The following SIPA1L1 variants were observed in gnomAD, a reference collection of about 807,000 sequenced individuals.
SIPA1L1 encodes the protein signal-induced proliferation-associated 1-like protein 1.
In SIPA1L1, 26 loss-of-function variants were observed where a neutral mutation model predicts 162.7. That is an observed-to-expected ratio of 0.16 (90% CI 0.12 to 0.22). The LOEUF is 0.22. Ranked by LOEUF, SIPA1L1 falls within the 10% of genes least tolerant of loss-of-function variation. SIPA1L1 has a pLI of 1.00. For missense variants in SIPA1L1, 1,874 were observed against 2,241.0 expected (o/e 0.84, Z 3.31); for synonymous variants, 829 against 837.4 (o/e 0.99, Z 0.17).
intron 13 of SIPA1L1, among the ~76,000 whole-genome samples, chr14:71,691,812 C>G (rs943484287): frequency 1.3e-5 from 2 of 152,178 alleles, no homozygotes; most frequent in African/African-American, 4.8e-5. Context: ...TTAATTTCCC[C>G]AAAACACTCT....
At chr14:71,374,824 G>T (rs1003347996) in intron 2 of SIPA1L1, among the ~76,000 whole-genome samples, 1 of 151,774 alleles carries the variant, frequency 6.6e-6, no homozygotes, top group Non-Finnish European at 1.5e-5. Context: ...ACAAGGTAAG[G>T]ATTTGGCTCC....
At chr14:71,452,355 G>A (rs371026337) in intron 2 of SIPA1L1, among the ~76,000 whole-genome samples, 2 of 152,064 alleles carry the variant, frequency 1.3e-5, no homozygotes, top group South Asian at 2.1e-4. Flanking sequence ...ACACATTTTC[G>A]TATATAGGAA....
At chr14:71,466,685 T>A (rs2047023160) in intron 2 of SIPA1L1, among the ~76,000 whole-genome samples, 1 of 152,180 alleles carries the variant, frequency 6.6e-6, no homozygotes, top group African/African-American at 2.4e-5. Context: ...TGGAGATTTG[T>A]ATGCATTATG....
chr14:71,546,148 T>C (rs1443039788), intron 4 of SIPA1L1, among the ~76,000 whole-genome samples: 1 of 152,166 alleles, frequency 6.6e-6, no homozygotes. Flanking sequence ...CTTCTGCTTT[T>C]AAAGCCCTAT....
At chr14:71,491,805 CA>C (rs1567099236) in intron 2 of SIPA1L1, among the ~76,000 whole-genome samples, 20 of 151,278 alleles carry the variant, frequency 1.3e-4, no homozygotes, top group African/African-American at 3.7e-4. Flanking sequence ...CACACACACA[CA>C]CACACACCCC....
chr14:71,733,537 C>G, intron 20 of SIPA1L1, 129 bp from the exon 21 acceptor site: 2 of 923,330 alleles, frequency 2.2e-6, no homozygotes, highest in Non-Finnish European at 3.3e-6. Flanking sequence ...CCACTAACAG[C>G]CTGCTAACCT....
intron 2 of SIPA1L1, among the ~76,000 whole-genome samples, chr14:71,361,878 A>C (rs2037847099): frequency 6.6e-6 from 1 of 152,212 alleles, no homozygotes; most frequent in African/African-American, 2.4e-5. Context: ...TTACCATGCT[A>C]GTATCATGTA....
chr14:71,351,484 A>G (rs2036701921), intron 2 of SIPA1L1, among the ~76,000 whole-genome samples: 1 of 152,248 alleles, frequency 6.6e-6, no homozygotes, highest in Admixed American at 6.5e-5. Flanking sequence ...TTGCTTCTAA[A>G]CTCAGTATGA....
chr14:71,460,101 T>C lies in SIPA1L1; in HGVS notation c.-464-52642T>C, dbSNP rs201686092. Among the ~76,000 whole-genome samples the C allele has an allele frequency of 2.0e-5, 3 of 152,366 alleles. No individual in the cohort carries two copies. In the East Asian group the frequency reaches 5.8e-4, roughly 29 times the overall value. On this transcript the variant is annotated intron_variant, in intron 2 of 23. Transcript: ENST00000381232. ...AGGAAAAGGAAATAAAGATATTTTC[T>C]TAGTAGAAGTGTATACATGCACAAA...
At chr14:71,536,518 G>T (rs1023917928) in intron 4 of SIPA1L1, among the ~76,000 whole-genome samples, 1 of 152,328 alleles carries the variant, frequency 6.6e-6, no homozygotes, top group African/African-American at 2.4e-5. Flanking sequence ...TCTGCATTTT[G>T]TGGTATCATT....
rs2034962615 is a variant in SIPA1L1, at chr14:71,589,276, G to A, written c.1404G>A (p.Glu468=). ...TGGCAGTACTTGAAGTGCCCAAGGA[G>A]AACTTGGTGTTGCACCTAGATAGAG... The part of the protein sequence containing the change: ...AGVAVLEVPK[E]NLVLHLDRVK... Residue 468 remains glutamate, a synonymous_variant, in exon 5 of 24, where the codon GAG becomes GAA. Transcript: ENST00000381232. 1.2e-6 allele frequency: 2 copies of A among 1,613,994 alleles called. No homozygotes were observed. The highest frequency in any genetic ancestry group is 1.7e-6 in the Non-Finnish European group (2 of 1,179,900).
intron 17 of SIPA1L1, among the ~76,000 whole-genome samples, chr14:71,714,932 C>A (rs1471197048): frequency 1.3e-5 from 2 of 152,168 alleles, no homozygotes; most frequent in African/African-American, 4.8e-5. Context: ...TCTCCCTTTT[C>A]AATATTTAAT....
chr14:71,389,761 C>T (rs1157599428), intron 2 of SIPA1L1, among the ~76,000 whole-genome samples: 1 of 152,164 alleles, frequency 6.6e-6, no homozygotes, highest in East Asian at 1.9e-4. Context: ...TTGTGTTCCT[C>T]ACATTTAGTA....
chr14:71,340,783 C>CA (rs1464489160), intron 2 of SIPA1L1, among the ~76,000 whole-genome samples: 2 of 151,976 alleles, frequency 1.3e-5, no homozygotes, highest in African/African-American at 4.8e-5. Flanking sequence ...TAAAAAAATA[C>CA]AAAAAATTAG....
intron 4 of SIPA1L1, among the ~76,000 whole-genome samples, chr14:71,571,428 A>G (rs2031985764): frequency 6.6e-6 from 1 of 152,180 alleles, no homozygotes; most frequent in Middle Eastern, 3.2e-3. Flanking sequence ...GGACCATAAA[A>G]AGAACAACAC....
At chr14:71,349,510 T>C (rs2036487319) in intron 2 of SIPA1L1, among the ~76,000 whole-genome samples, 2 of 152,196 alleles carry the variant, frequency 1.3e-5, no homozygotes, top group Admixed American at 1.3e-4. Context: ...TACGTCAGTG[T>C]TTTCATTTGT....
intron 11 of SIPA1L1, 21 bp downstream of exon 11, chr14:71,671,713 C>T (rs779275113): frequency 1.0e-5 from 16 of 1,528,518 alleles, no homozygotes; most frequent in South Asian, 7.6e-5. Context: ...CCTTCCTCTT[C>T]CTTACATGCA....
At chr14:71,453,454 A>G (rs1169665887) in intron 2 of SIPA1L1, among the ~76,000 whole-genome samples, 1 of 152,136 alleles carries the variant, frequency 6.6e-6, no homozygotes, top group Non-Finnish European at 1.5e-5. Flanking sequence ...TAGTAGAGAC[A>G]GGTTCTCACT....
intron 13 of SIPA1L1, among the ~76,000 whole-genome samples, chr14:71,686,528 C>A (rs1032646503): frequency 6.6e-6 from 1 of 152,140 alleles, no homozygotes; most frequent in African/African-American, 2.4e-5. Context: ...TAGAAGTCAT[C>A]AACTTCTTTT....
Sources: gnomAD v4.1 joint callset for allele counts (sites outside exome capture counted in the v4.1 genomes callset) on GRCh38, gnomAD v4.1.1 for gene constraint, MANE v1.5 for transcripts, NCBI Gene and HGNC (gene_info 2026-07-23, HGNC 2026-07-21) for gene names.